CEP350: variants seen among roughly 807,000 people sequenced by gnomAD.
The protein encoded by CEP350 is centrosome-associated protein 350.
A neutral mutation model predicts 331.8 loss-of-function variants in CEP350; 126 were observed. That is an observed-to-expected ratio of 0.38 (90% CI 0.33 to 0.44). The LOEUF (loss-of-function observed/expected upper bound fraction) is 0.44, where lower values mean the gene tolerates loss of function less well. Ranked by LOEUF, CEP350 falls within the 20% of genes least tolerant of loss-of-function variation. CEP350 has a pLI of 1.00. For synonymous variants in CEP350, 1,200 were observed against 1,259.5 expected, an observed-to-expected ratio of 0.95 and a Z score of 1.00; for missense variants, 3,406 against 3,634.6, an observed-to-expected ratio of 0.94 and a Z score of 1.62.
intron 16 of CEP350, among the ~76,000 whole-genome samples, chr1:180,035,367 A>G (rs962284057): frequency 1.3e-5 from 2 of 152,222 alleles, no homozygotes. Context: ...ACGTAGATGA[A>G]ATAACCTTAT....
chr1:180,094,775 T>C (rs1161437819), intron 34 of CEP350, among the ~76,000 whole-genome samples, 159 bp downstream of exon 34: 1 of 152,208 alleles, frequency 6.6e-6, no homozygotes, highest in East Asian at 1.9e-4. Context: ...TACTGGTTTT[T>C]AAAGGCCTTG....
Position 180,075,139 on chromosome 1 carries a change from A to G in CEP350, c.5685A>G (p.Gln1895=). 3.1e-6 allele frequency: 5 copies of G among 1,613,754 alleles called. No individual in the cohort carries two copies. The highest frequency in any genetic ancestry group is 4.2e-6 in the Non-Finnish European group (5 of 1,179,776). ...EEAEIRQMEK[Q]ALAAWDKELI... ...CAGAAATTCGTCAAATGGAAAAACA[A>G]GCTTTGGCTGCCTGGGACAAAGAAT... Residue 1895 remains glutamine (Q), a synonymous_variant, in exon 28 of 38, where the codon CAA becomes CAG. Transcript: ENST00000367607.
chr1:179,958,700 G>T (rs1333097610), intron 1 of CEP350, among the ~76,000 whole-genome samples: 2 of 152,148 alleles, frequency 1.3e-5, no homozygotes, highest in Non-Finnish European at 2.9e-5. Flanking sequence ...GGTACCATGA[G>T]AATTAAATGA....
rs1661535332 is a variant in CEP350, at chr1:180,113,101, A to G, written c.*1940A>G. The G allele has an allele frequency of 6.6e-6, 1 of 152,636 alleles. No individual in the cohort carries two copies. The highest frequency in any genetic ancestry group is 2.4e-5 in the African/African-American group (1 of 41,462). The allele number at this position is 152,636 out of a possible 1,614,324, so 9.5% of individuals were successfully genotyped here. A position where few individuals can be genotyped will look rare whatever the true frequency, so the allele number is the denominator to read the frequency against. On this transcript the variant is annotated 3_prime_UTR_variant, in exon 38 of 38. Coordinates refer to ENST00000367607, the MANE Select transcript of CEP350 (RefSeq NM_014810.5). The stretch of plus-strand genomic sequence containing the variant: ...GGGGTTATTAACCAGTAGTGTGGAA[A>G]TACTAGTTTTATGTGGCCAAGGAAA...
At chr1:180,037,467 C>T (rs781633504) in intron 17 of CEP350, among the ~76,000 whole-genome samples, 3 of 149,168 alleles carry the variant, frequency 2.0e-5, no homozygotes, top group Admixed American at 6.6e-5. Context: ...TTCTGAGATC[C>T]GGGTGTTTGA....
chr1:180,066,469 G>A (rs922044053), intron 27 of CEP350, among the ~76,000 whole-genome samples: 1 of 152,126 alleles, frequency 6.6e-6, no homozygotes, highest in African/African-American at 2.4e-5. Context: ...AAATCAATCT[G>A]TGATTTAGTT....
intron 25 of CEP350, 94 bp downstream of exon 25, chr1:180,054,596 C>T (rs2148974619): frequency 1.2e-6 from 1 of 860,094 alleles, no homozygotes; most frequent in Non-Finnish European, 1.9e-6. Flanking sequence ...CTTATCATTG[C>T]CTTAAATGAG....
At chr1:179,999,355 G>A (rs569951477) in intron 6 of CEP350, among the ~76,000 whole-genome samples, 1 of 151,998 alleles carries the variant, frequency 6.6e-6, no homozygotes, top group Non-Finnish European at 1.5e-5. Context: ...TTTTTTTAAT[G>A]TGCTAGTTTT....
chr1:180,102,542 C>T (rs77690036), intron 37 of CEP350, among the ~76,000 whole-genome samples: 1,545 of 152,298 alleles, frequency 0.01, 28 homozygotes, highest in African/African-American at 0.033. Context: ...GATTTTGTTA[C>T]ACTTTTCACC....
intron 28 of CEP350, among the ~76,000 whole-genome samples, chr1:180,076,348 C>T (rs1185648573): frequency 1.3e-5 from 2 of 152,146 alleles, no homozygotes; most frequent in Non-Finnish European, 2.9e-5. Context: ...TGTATTAGCA[C>T]ACCAAGTTCA....
At chr1:179,967,897 G>C (rs551227966) in intron 1 of CEP350, among the ~76,000 whole-genome samples, 1 of 152,098 alleles carries the variant, frequency 6.6e-6, no homozygotes, top group Non-Finnish European at 1.5e-5. Flanking sequence ...CATGTTATAT[G>C]AAATACCTGG....
intron 12 of CEP350, among the ~76,000 whole-genome samples, chr1:180,022,146 T>C (rs185937251): frequency 5.3e-5 from 8 of 152,338 alleles, no homozygotes; most frequent in Non-Finnish European, 8.8e-5. Context: ...TCATATGCTA[T>C]TGCTTTCTTT....
intron 25 of CEP350, among the ~76,000 whole-genome samples, chr1:180,058,292 TTTTC>T (rs1178020361): frequency 6.6e-6 from 1 of 152,184 alleles, no homozygotes; most frequent in Non-Finnish European, 1.5e-5. Flanking sequence ...ATGATAGTAA[TTTTC>T]TTTATCTGTG....
chr1:179,990,558 T>C lies in CEP350; in HGVS notation c.172T>C (p.Cys58Arg). 6.2e-7 allele frequency: 1 copy of C among 1,606,458 alleles called. No homozygotes were observed. Among genetic ancestry groups the C allele is most frequent in the Non-Finnish European group, 8.5e-7 (1 of 1,175,994 alleles). ...LEVAPTSTAV[C>R]DSVMDTKKSS... The stretch of plus-strand genomic sequence containing the variant: ...AGTAGCCCCTACAAGTACAGCTGTG[T>C]GTGATTCTGTCATGGATACCAAGAA... The change falls in exon 4 of 38, where the codon TGT becomes CGT. Residue 58 changes from cysteine to arginine, a missense_variant. Physicochemically the swap from Cys to Arg is radical, Grantham distance 180. Coordinates refer to ENST00000367607, the MANE Select transcript of CEP350 (RefSeq NM_014810.5).
chr1:180,050,128 A>G, intron 22 of CEP350, among the ~76,000 whole-genome samples: 1 of 152,242 alleles, frequency 6.6e-6, no homozygotes, highest in East Asian at 1.9e-4. Context: ...CCTCGTATGT[A>G]GAAGAAAACA....
chr1:179,990,440 G>A, intron 3 of CEP350, 67 bp from the exon 4 acceptor site: 2 of 769,274 alleles, frequency 2.6e-6, no homozygotes, highest in Admixed American at 2.8e-5. Context: ...AAATAACCAT[G>A]TAAATTGATG....
At chr1:180,049,260 A>G (rs1471648897) in intron 22 of CEP350, among the ~76,000 whole-genome samples, 3 of 152,206 alleles carry the variant, frequency 2.0e-5, no homozygotes, top group African/African-American at 7.2e-5. Context: ...ATTATAGATA[A>G]TATTTGTAAG....
chr1:180,047,282 G>A (rs974766925), intron 21 of CEP350, among the ~76,000 whole-genome samples: 1 of 152,124 alleles, frequency 6.6e-6, no homozygotes, highest in Admixed American at 6.5e-5. Context: ...AGAAAGCTTG[G>A]GGGAATATAC....
intron 9 of CEP350, among the ~76,000 whole-genome samples, chr1:180,012,498 G>A (rs1216308492): frequency 6.6e-6 from 1 of 152,140 alleles, no homozygotes; most frequent in Non-Finnish European, 1.5e-5. Context: ...TTTCCCAAGG[G>A]TTATGTAGTC....
Sources: allele counts gnomAD v4.1 joint callset (sites outside exome capture counted in the v4.1 genomes callset), GRCh38; gene constraint gnomAD v4.1.1; transcripts MANE v1.5; gene names NCBI Gene and HGNC (gene_info 2026-07-23, HGNC 2026-07-21).